The following LAMC1 variants were observed in gnomAD, a reference collection of about 807,000 sequenced individuals.
LAMC1 encodes laminin subunit gamma 1.
In LAMC1, 38 loss-of-function variants were observed where a neutral mutation model predicts 173.6. The ratio of observed to expected loss-of-function variants is 0.22; its 90% CI spans 0.17 to 0.29. LAMC1 has a LOEUF of 0.29. Ranked by LOEUF, LAMC1 falls within the 10% of genes least tolerant of loss-of-function variation. LAMC1 has a pLI of 1.00. For synonymous variants in LAMC1, 746 were observed against 749.1 expected, an observed-to-expected ratio of 1.00 and a Z score of 0.07; for missense variants, 1,824 against 2,051.8, an observed-to-expected ratio of 0.89 and a Z score of 2.14.
rs745708556 is a variant in LAMC1, at chr1:183,114,564, A to C, written c.1055A>C (p.Tyr352Ser). 6.2e-7 allele frequency: 1 copy of C among 1,614,094 alleles called. No homozygotes were observed. The highest frequency in any genetic ancestry group is 1.7e-5 in the Admixed American group (1 of 60,004). Residue 352 changes from tyrosine to serine, a missense_variant, in exon 5 of 28, where the codon TAC (tyrosine) becomes TCC (serine). Physicochemically the swap from Tyr to Ser is moderately radical, Grantham distance 144. Transcript: ENST00000258341. ...CDCNGRSQECYFDPELYRSTG... is the reference protein window; with the variant it reads ...CDCNGRSQECSFDPELYRSTG... ...TGCAATGGTCGATCCCAGGAATGCTACTTCGACCCTGAACTCTATCGTTCC... is the reference window on the plus strand; with the variant it reads ...TGCAATGGTCGATCCCAGGAATGCTCCTTCGACCCTGAACTCTATCGTTCC...
Position 183,131,321 on chromosome 1 carries a change from C to T in LAMC1, c.3509C>T (p.Thr1170Ile), listed in dbSNP as rs752420218. ...ANVSVTQPESTGDPNNMTLLA... is the reference protein window; with the variant it reads ...ANVSVTQPESIGDPNNMTLLA... ...CAGTCAGTCACTCAGCCAGAATCTA[C>T]AGGGGACCCAAACAACATGACTCTT... Residue 1170 changes from threonine (T) to isoleucine (I), a missense_variant, in exon 20 of 28, where the codon ACA becomes ATA. Thr to Ile is a moderately conservative substitution (Grantham distance 89, BLOSUM62 -1). Transcript: ENST00000258341. 1.9e-6 allele frequency: 3 copies of T among 1,613,836 alleles called. No homozygotes were observed. The highest frequency in any genetic ancestry group is 1.7e-6 in the Non-Finnish European group (2 of 1,179,834).
intron 4 of LAMC1, among the ~76,000 whole-genome samples, chr1:183,113,408 T>A (rs200628955): frequency 1.3e-5 from 2 of 149,406 alleles, no homozygotes; most frequent in African/African-American, 2.4e-5. Context: ...ATATTTTTTT[T>A]AAACAACATC....
chr1:183,079,965 T>G (rs1655225777), intron 1 of LAMC1, among the ~76,000 whole-genome samples: 1 of 152,074 alleles, frequency 6.6e-6, no homozygotes, highest in Non-Finnish European at 1.5e-5. Context: ...TTTTTTTGGA[T>G]GGGTGTGGTG....
intron 1 of LAMC1, among the ~76,000 whole-genome samples, chr1:183,070,553 T>C (rs1003565096): frequency 2.0e-5 from 3 of 152,320 alleles, no homozygotes; most frequent in African/African-American, 7.2e-5. Context: ...TTGTATTTAA[T>C]GTCTAGGGTG....
intron 27 of LAMC1, 66 bp downstream of exon 27, chr1:183,140,569 T>A: frequency 1.0e-6 from 1 of 984,738 alleles, no homozygotes; most frequent in Non-Finnish European, 1.5e-6. Flanking sequence ...GGATCTGATA[T>A]AGTACAGTTG....
chr1:183,142,879 G>C lies in LAMC1; in HGVS notation c.*89G>C. 2 of 1,345,418 alleles carry C rather than the reference G, an allele frequency of 1.5e-6. No homozygotes were observed. Among genetic ancestry groups the C allele is most frequent in the Non-Finnish European group, 2.0e-6 (2 of 978,100 alleles). The allele number at this position is 1,345,418 out of a possible 1,614,324, so 83.3% of individuals were successfully genotyped here. On this transcript the variant is annotated 3_prime_UTR_variant, in exon 28 of 28. Coordinates refer to ENST00000258341, the MANE Select transcript of LAMC1 (RefSeq NM_002293.4). ...CTTGACACAAAGATTACATTTTTCA[G>C]ACCCCCACTCCTCTGCTGCTGTCCA...
At position 183,122,345 on chromosome 1, in the gene LAMC1, G is replaced by A. The variant is rs770319368; in HGVS notation, c.2401+94G>A. 4 of 1,201,978 alleles carry A rather than the reference G, an allele frequency of 3.3e-6. No homozygotes were observed. In the African/African-American group the frequency reaches 4.6e-5, roughly 14 times the overall value. 74.5% of individuals were successfully genotyped at this position (1,201,978 alleles called of 1,614,324 possible). ...GGAGTTGTTTTGGATCTTTGTGTTT[G>A]GTTCAGTTTCAGTGGTTATGGTTTT... On this transcript the variant is annotated intron_variant, in intron 13 of 27. Coordinates refer to ENST00000258341, the MANE Select transcript of LAMC1 (RefSeq NM_002293.4).
In LAMC1 at chr1:183,137,645, A is replaced by C. The variant is rs934142365; in HGVS notation, c.4315-24A>C. On this transcript the variant is annotated intron_variant, in intron 25 of 27. Transcript: ENST00000258341. Reference sequence around the variant, plus strand: ...GAAAAAGGAAAGCTTTTTTAAAAAAAGTACAATTTTCTTTTGTGCCTAGAA... The same window carrying C: ...GAAAAAGGAAAGCTTTTTTAAAAAACGTACAATTTTCTTTTGTGCCTAGAA... 5.3e-6 allele frequency: 8 copies of C among 1,499,980 alleles called. No individual in the cohort carries two copies. In the African/African-American group the frequency reaches 8.5e-5, roughly 16 times the overall value. The allele number at this position is 1,499,980 out of a possible 1,614,324, so 92.9% of individuals were successfully genotyped here. A position where few individuals can be genotyped will look rare whatever the true frequency, so the allele number is the denominator to read the frequency against.
intron 1 of LAMC1, among the ~76,000 whole-genome samples, chr1:183,061,006 T>A (rs1187862152): frequency 1.3e-5 from 2 of 152,154 alleles, no homozygotes; most frequent in East Asian, 3.8e-4. Flanking sequence ...AGTGACATGG[T>A]TAGATAGCAG....
chr1:183,059,931 A>T (rs561292702), intron 1 of LAMC1, among the ~76,000 whole-genome samples: 1 of 152,280 alleles, frequency 6.6e-6, no homozygotes, highest in East Asian at 1.9e-4. Context: ...GACACGTTGG[A>T]AGTTTCTGGC....
At chr1:183,029,332 G>A (rs1653785783) in intron 1 of LAMC1, among the ~76,000 whole-genome samples, 1 of 152,106 alleles carries the variant, frequency 6.6e-6, no homozygotes, top group Non-Finnish European at 1.5e-5. Context: ...ATTTCACCTG[G>A]ATTGTTGCCA....
At chr1:183,079,255 T>G (rs1456310116) in intron 1 of LAMC1, among the ~76,000 whole-genome samples, 1 of 110,560 alleles carries the variant, frequency 9.0e-6, no homozygotes, top group South Asian at 3.3e-4. Flanking sequence ...TTTTTTTTTT[T>G]TTTTTTTTTT....
At chr1:183,112,163 C>A (rs905650801) in intron 4 of LAMC1, among the ~76,000 whole-genome samples, 4 of 152,124 alleles carry the variant, frequency 2.6e-5, no homozygotes, top group Admixed American at 6.6e-5. Flanking sequence ...TCAACAAATC[C>A]TAAGATTTGC....
At chr1:183,118,832 A>G (rs889832962) in intron 11 of LAMC1, among the ~76,000 whole-genome samples, 4 of 152,194 alleles carry the variant, frequency 2.6e-5, no homozygotes, top group South Asian at 2.1e-4. Context: ...GCCATTGGTT[A>G]AATTATTAAA....
intron 1 of LAMC1, among the ~76,000 whole-genome samples, chr1:183,085,889 T>G (rs1262730411): frequency 6.6e-6 from 1 of 152,222 alleles, no homozygotes; most frequent in Non-Finnish European, 1.5e-5. Flanking sequence ...CTTTTTCTCC[T>G]TCTCATATAC....
intron 1 of LAMC1, among the ~76,000 whole-genome samples, chr1:183,088,938 A>G (rs1481381279): frequency 6.6e-6 from 1 of 152,246 alleles, no homozygotes. Context: ...AATTGTCCAG[A>G]CTTATGGATG....
At chr1:183,026,183 T>C (rs964853227) in intron 1 of LAMC1, among the ~76,000 whole-genome samples, 8 of 152,222 alleles carry the variant, frequency 5.3e-5, no homozygotes, top group Non-Finnish European at 1.0e-4. Context: ...CATAAAACTA[T>C]GAGTTTAAAA....
intron 1 of LAMC1, among the ~76,000 whole-genome samples, chr1:183,024,545 T>C (rs1462152973): frequency 6.6e-6 from 1 of 152,242 alleles, no homozygotes. Flanking sequence ...TTAAACACTT[T>C]CGCCTTTAAA....
Position 183,130,368 on chromosome 1 carries a change from G to A in LAMC1, c.3305G>A (p.Arg1102His), listed in dbSNP as rs146055865. ...VKDVDQNLMD[R>H]LQRVNNTLSS... is the part of the protein sequence containing the mutation. ...GATGTTGACCAGAATTTGATGGATC[G>A]CCTACAGAGAGTGAATAACACTCTG... Residue 1102 changes from arginine to histidine, a missense_variant, in exon 19 of 28, where the codon CGC becomes CAC. Physicochemically the swap from Arg to His is conservative, Grantham distance 29 (BLOSUM62 0). Transcript: ENST00000258341. 8.1e-6 allele frequency: 13 copies of A among 1,613,888 alleles called. No individual in the cohort carries two copies. The highest frequency in any genetic ancestry group is 2.2e-5 in the East Asian group (1 of 44,896).
Sources: gnomAD v4.1 joint callset for allele counts (sites outside exome capture counted in the v4.1 genomes callset) on GRCh38, gnomAD v4.1.1 for gene constraint, MANE v1.5 for transcripts, NCBI Gene and HGNC (gene_info 2026-07-23, HGNC 2026-07-21) for gene names.